The following TMEM181 variants were observed in gnomAD, a reference collection of about 807,000 sequenced individuals.
The protein encoded by TMEM181 is transmembrane protein 181.
Under a neutral mutation model 71.9 loss-of-function variants are expected in TMEM181, and 39 were observed. The ratio of observed to expected loss-of-function variants is 0.54; its 90% CI spans 0.42 to 0.71. The LOEUF (loss-of-function observed/expected upper bound fraction) is 0.71, where lower values mean the gene tolerates loss of function less well. Among genes scored for constraint, TMEM181 ranks in the 30% least tolerant of loss-of-function variants. The pLI, the probability that TMEM181 is intolerant of heterozygous loss-of-function variation, is 0.00. For missense variants in TMEM181, 595 were observed against 583.0 expected (o/e 1.02, Z -0.21); for synonymous variants, 245 against 228.8 (o/e 1.07, Z -0.64).
intron 10 of TMEM181, among the ~76,000 whole-genome samples, chr6:158,621,032 C>G (rs999369748): frequency 2.6e-5 from 4 of 152,180 alleles, no homozygotes; most frequent in Non-Finnish European, 5.9e-5. Flanking sequence ...TCTTGCTTAT[C>G]TGGAAGGGAG....
At chr6:158,570,569 G>A (rs569596686) in intron 1 of TMEM181, among the ~76,000 whole-genome samples, 14 of 152,102 alleles carry the variant, frequency 9.2e-5, no homozygotes, top group African/African-American at 3.4e-4. Flanking sequence ...TTCACAGGTG[G>A]GGAAACAGGT....
chr6:158,625,138 T>C lies in TMEM181; in HGVS notation c.989T>C (p.Val330Ala). The change falls in exon 12 of 17, where the codon GTG becomes GCG. Residue 330 changes from valine to alanine, a missense_variant. By Grantham distance (64) the Val-to-Ala change is moderately conservative. Coordinates refer to ENST00000684151, the MANE Select transcript of TMEM181 (RefSeq NM_001376852.1). ...MKVFFMVVAA[V>A]YILYLLFLIV... ...GTCTTCTTCATGGTGGTGGCAGCGG[T>C]GTACATTCTGTACCTCTTGTTCTTG... 6.2e-7 allele frequency: 1 copy of C among 1,614,186 alleles called. No individual in the cohort carries two copies. The highest frequency in any genetic ancestry group is 1.1e-5 in the South Asian group (1 of 91,086).
intron 4 of TMEM181, among the ~76,000 whole-genome samples, chr6:158,585,101 C>T (rs1054662743): frequency 3.9e-5 from 6 of 151,968 alleles, no homozygotes; most frequent in Admixed American, 3.9e-4. Flanking sequence ...TGACATAGAC[C>T]CCCTGGGTGC....
intron 5 of TMEM181, among the ~76,000 whole-genome samples, chr6:158,585,768 T>C: frequency 6.6e-6 from 1 of 152,214 alleles, no homozygotes; most frequent in Non-Finnish European, 1.5e-5. Context: ...CCCTAATGAA[T>C]GTTATGGGCT....
Position 158,593,608 on chromosome 6 carries a change from C to T in TMEM181, c.492+3826C>T, listed in dbSNP as rs1784230281. 2.0e-5 allele frequency among the ~76,000 whole-genome samples: 3 copies of T among 152,190 alleles called. No homozygotes were observed. In the South Asian group the frequency reaches 6.2e-4, roughly 32 times the overall value. On this transcript the variant is annotated intron_variant, in intron 6 of 16. Coordinates refer to ENST00000684151, the MANE Select transcript of TMEM181 (RefSeq NM_001376852.1). Reference sequence around the variant, plus strand: ...GGAGAATCGCATAATCAACATTGTGCTGGCAGCTTGTAGAGAGATGCACTA... The same window carrying T: ...GGAGAATCGCATAATCAACATTGTGTTGGCAGCTTGTAGAGAGATGCACTA...
chr6:158,573,015 TGTG>T (rs1782954439), intron 1 of TMEM181, among the ~76,000 whole-genome samples: 1 of 151,966 alleles, frequency 6.6e-6, no homozygotes, highest in South Asian at 2.1e-4. Context: ...GCCGTGTGCT[TGTG>T]GGTGTGCCAG....
At chr6:158,563,764 T>C (rs1017858491) in intron 1 of TMEM181, among the ~76,000 whole-genome samples, 1 of 152,202 alleles carries the variant, frequency 6.6e-6, no homozygotes, top group Non-Finnish European at 1.5e-5. Flanking sequence ...TTTATTAAAT[T>C]GTGTTTTGAG....
chr6:158,613,671 C>G (rs1785453005), intron 10 of TMEM181, among the ~76,000 whole-genome samples: 1 of 152,192 alleles, frequency 6.6e-6, no homozygotes, highest in African/African-American at 2.4e-5. Flanking sequence ...GCACACCATT[C>G]CAGTGAAAGC....
Position 158,608,733 on chromosome 6 carries a change from G to A in TMEM181, c.879G>A (p.Thr293=), listed in dbSNP as rs750041939. 2.5e-6 allele frequency: 4 copies of A among 1,612,896 alleles called. No individual in the cohort carries two copies. Among genetic ancestry groups the A allele is most frequent in the African/African-American group, 1.3e-5 (1 of 74,888 alleles). Residue 293 remains threonine, a synonymous_variant, in exon 10 of 17, where the codon ACG becomes ACA. Coordinates refer to ENST00000684151, the MANE Select transcript of TMEM181 (RefSeq NM_001376852.1). ...GACTATTGTGGTTGGCTTCTGTTAC[G>A]CTAGGAATATGGCAAACGTGAGTAA... The part of the protein sequence containing the change: ...IVGLLWLASV[T]LGIWQTVNEL...
chr6:158,575,626 A>G (rs1022668382), intron 2 of TMEM181, among the ~76,000 whole-genome samples: 1 of 151,968 alleles, frequency 6.6e-6, no homozygotes, highest in South Asian at 2.1e-4. Flanking sequence ...CCAAGTCTAG[A>G]TTTTTCTGAT....
chr6:158,624,641 T>C (rs1786164728), intron 11 of TMEM181, among the ~76,000 whole-genome samples: 1 of 152,222 alleles, frequency 6.6e-6, no homozygotes, highest in South Asian at 2.1e-4. Context: ...AAGCCCCTCG[T>C]GTCACAGATA....
Position 158,585,340 on chromosome 6 carries a change from A to C in TMEM181, c.296A>C (p.Lys99Thr). The C allele has an allele frequency of 6.2e-7, 1 of 1,609,164 alleles. No homozygotes were observed. The highest frequency in any genetic ancestry group is 1.1e-5 in the South Asian group (1 of 89,934). Residue 99 changes from lysine (K) to threonine (T), a missense_variant, in exon 5 of 17, where the codon AAA becomes ACA. Coordinates refer to ENST00000684151, the MANE Select transcript of TMEM181 (RefSeq NM_001376852.1). ...AAGACAAGCTTTCCCATGACTGTTA[A>C]AGTCGATGGTGTAGCTCAAGATGGA... ...SIKTSFPMTV[K>T]VDGVAQDGTT... is the part of the protein sequence containing the mutation.
intron 6 of TMEM181, among the ~76,000 whole-genome samples, chr6:158,595,803 G>A (rs192715319): frequency 2.6e-5 from 4 of 152,288 alleles, no homozygotes; most frequent in African/African-American, 7.2e-5. Flanking sequence ...AGCATCAAGC[G>A]GGGGGCTTCT....
chr6:158,629,142 C>G (rs1187024231), intron 14 of TMEM181, among the ~76,000 whole-genome samples: 1 of 152,186 alleles, frequency 6.6e-6, no homozygotes, highest in African/African-American at 2.4e-5. Context: ...GCTTTCCACT[C>G]TTTGTTGGGG....
chr6:158,584,014 A>G lies in TMEM181; in HGVS notation c.229A>G (p.Thr77Ala), dbSNP rs759349210. ...TACATACAATCAGCAACTATGGCTG[A>G]CATGTGTTGTTGAGTTGGATCAATC... ...LSTYNQQLWL[T>A]CVVELDQSKE... The change falls in exon 4 of 17, where the codon ACA becomes GCA. Residue 77 changes from threonine to alanine, a missense_variant. By Grantham distance (58) the Thr-to-Ala change is moderately conservative. Coordinates refer to ENST00000684151, the MANE Select transcript of TMEM181 (RefSeq NM_001376852.1). 16 of 1,612,282 alleles carry G rather than the reference A, an allele frequency of 9.9e-6. No individual in the cohort carries two copies. The highest frequency in any genetic ancestry group is 2.2e-5 in the South Asian group (2 of 90,596).
exon 1 of TMEM181, chr6:158,536,706 CG>C: frequency 6.5e-7 from 1 of 1,544,860 alleles, no homozygotes; most frequent in Admixed American, 1.9e-5. Context: ...GGTGGAGCGG[CG>C]GGACCGGGAC....
chr6:158,601,753 T>C (rs1784680005), intron 6 of TMEM181, among the ~76,000 whole-genome samples: 1 of 144,116 alleles, frequency 6.9e-6, no homozygotes, highest in Admixed American at 6.8e-5. Context: ...AGCAAGACTG[T>C]CTCAGAAAAA....
intron 1 of TMEM181, among the ~76,000 whole-genome samples, chr6:158,552,129 A>C (rs1781740462): frequency 6.6e-6 from 1 of 152,236 alleles, no homozygotes; most frequent in African/African-American, 2.4e-5. Flanking sequence ...AAAAAGCTTA[A>C]CCCTTTTAAA....
rs921009612 is a variant in TMEM181 at position 158,631,526 on chromosome 6, GT to G, written c.1349+141del. On this transcript the variant is annotated intron_variant, in intron 16 of 16. Transcript: ENST00000684151. ...ACCTTGGAGTGTCAAGTGGCTCGTG[GT>G]TTTCTGTTTTCACAGTATTCAGGCT... 16 of 978,406 alleles carry G rather than the reference GT, an allele frequency of 1.6e-5. No homozygotes were observed. In the African/African-American group the frequency reaches 1.8e-4, roughly 11 times the overall value. The allele number at this position is 978,406 out of a possible 1,614,324, so 60.6% of individuals were successfully genotyped here.
Sources: gnomAD v4.1 joint callset for allele counts (sites outside exome capture counted in the v4.1 genomes callset) on GRCh38, gnomAD v4.1.1 for gene constraint, MANE v1.5 for transcripts, NCBI Gene and HGNC (gene_info 2026-07-23, HGNC 2026-07-21) for gene names.